VAV1: variants seen among roughly 807,000 people sequenced by gnomAD.
VAV1 encodes the protein proto-oncogene vav.
In VAV1, 33 loss-of-function variants were observed where a neutral mutation model predicts 128.1. The observed-to-expected ratio is 0.26, with a 90% CI of 0.20 to 0.34. The LOEUF is 0.34. Ranked by LOEUF, VAV1 falls within the 10% of genes least tolerant of loss-of-function variation. The probability of loss-of-function intolerance (pLI) is 1.00; values close to 1 mark genes in which losing one functional copy is unlikely to be tolerated. For synonymous variants in VAV1, 394 were observed against 409.8 expected (o/e 0.96, Z 0.47); for missense variants, 715 against 1,093.7 (o/e 0.65, Z 4.88).
chr19:6,776,665 C>T (rs1200276466), intron 1 of VAV1, among the ~76,000 whole-genome samples: 1 of 152,056 alleles, frequency 6.6e-6, no homozygotes, highest in Non-Finnish European at 1.5e-5. Flanking sequence ...TCTACTTTTC[C>T]ATCCATGTAT....
chr19:6,791,320 T>TTCCTCATCTCGAGGTCCTTGAGATAAC (rs1971013724), intron 1 of VAV1, among the ~76,000 whole-genome samples: 1 of 151,590 alleles, frequency 6.6e-6, no homozygotes, highest in Non-Finnish European at 1.5e-5. Flanking sequence ...CTTGAGTTAT[T>TTCCTCATCTCGAGGTCCTTGAGATAAC]TCCTCATCTC....
chr19:6,809,815 G>A (rs553450709), intron 1 of VAV1, among the ~76,000 whole-genome samples: 1 of 152,166 alleles, frequency 6.6e-6, no homozygotes, highest in Admixed American at 6.5e-5. Context: ...AGATGTGACA[G>A]ATAGTTTGGA....
Position 6,833,559 on chromosome 19 carries a change from C to A in VAV1, c.1642C>A (p.Arg548=), listed in dbSNP as rs527259397. The A allele has an allele frequency of 6.2e-7, 1 of 1,611,348 alleles. No homozygotes were observed. The highest frequency in any genetic ancestry group is 1.7e-5 in the Admixed American group (1 of 59,816). The change falls in exon 17 of 27, where the codon CGG becomes AGG. Residue 548 remains arginine, a synonymous_variant. Coordinates refer to ENST00000602142, the MANE Select transcript of VAV1 (RefSeq NM_005428.4). The part of the protein sequence containing the change: ...GTFYQGYRCH[R]CRASAHKECL... The stretch of plus-strand genomic sequence containing the variant: ...CTTCTATCAGGGCTACCGCTGCCAT[C>A]GGTGCCGGGCATCTGCACACAAGGA...
chr19:6,857,116 G>A lies in VAV1; in HGVS notation c.*9G>A. ...ATTCTGAATACTGCTGAGCCCTGGT[G>A]CCTTGGCAGAGAGACGAGAAACTCC... On this transcript the variant is annotated 3_prime_UTR_variant, in exon 27 of 27. Transcript: ENST00000602142. The A allele has an allele frequency of 6.2e-7, 1 of 1,614,010 alleles. No homozygotes were observed.
At chr19:6,842,362 C>T (rs992460469) in intron 21 of VAV1, among the ~76,000 whole-genome samples, 4 of 152,184 alleles carry the variant, frequency 2.6e-5, no homozygotes, top group African/African-American at 9.7e-5. Flanking sequence ...AATCTGCTCA[C>T]CCTCCAGGGT....
At chr19:6,807,048 G>A (rs926217225) in intron 1 of VAV1, among the ~76,000 whole-genome samples, 3 of 152,134 alleles carry the variant, frequency 2.0e-5, no homozygotes, top group African/African-American at 7.2e-5. Context: ...GTTAGGTAGA[G>A]ATTAATTTAT....
chr19:6,827,729 G>A (rs1177906241), intron 9 of VAV1, among the ~76,000 whole-genome samples: 2 of 150,920 alleles, frequency 1.3e-5, no homozygotes, highest in Non-Finnish European at 2.9e-5. Context: ...CTCCTGAGTA[G>A]CTGGGATTGC....
Position 6,779,571 on chromosome 19 carries a change from A to G in VAV1, c.204+6560A>G, listed in dbSNP as rs143128381. 3.4e-3 allele frequency among the ~76,000 whole-genome samples: 509 copies of G among 149,970 alleles called. 8 individuals are homozygous for G. Among genetic ancestry groups the G allele is most frequent in the African/African-American group, 0.012 (486 of 41,254 alleles). On this transcript the variant is annotated intron_variant, in intron 1 of 26. Transcript: ENST00000602142. Reference sequence around the variant, plus strand: ...TGCTAGACATTAGTCTAAACCAGGGAGGGGCCTGGCTGGATGCAGTGGTTC... The same window carrying G: ...TGCTAGACATTAGTCTAAACCAGGGGGGGGCCTGGCTGGATGCAGTGGTTC...
intron 1 of VAV1, among the ~76,000 whole-genome samples, chr19:6,810,921 A>C (rs1407170103): frequency 6.6e-6 from 1 of 152,220 alleles, no homozygotes; most frequent in Non-Finnish European, 1.5e-5. Context: ...CCCAGCTGTA[A>C]GCAAAGAAAT....
intron 1 of VAV1, among the ~76,000 whole-genome samples, chr19:6,798,692 A>T (rs915452696): frequency 2.6e-5 from 4 of 151,562 alleles, no homozygotes; most frequent in Admixed American, 2.0e-4. Context: ...GGGAAAAAAG[A>T]AAGAATCAGG....
chr19:6,802,246 G>A (rs1024377233), intron 1 of VAV1, among the ~76,000 whole-genome samples: 1 of 151,840 alleles, frequency 6.6e-6, no homozygotes, highest in Admixed American at 6.6e-5. Flanking sequence ...TGCTAAATGA[G>A]GAGTTAATGG....
At chr19:6,854,344 A>G (rs1462195939) in intron 26 of VAV1, among the ~76,000 whole-genome samples, 6 of 152,208 alleles carry the variant, frequency 3.9e-5, no homozygotes, top group African/African-American at 1.4e-4. Context: ...CGGTACAAGG[A>G]TTGCCCTCAT....
chr19:6,852,151 C>T (rs1276729073), intron 24 of VAV1, among the ~76,000 whole-genome samples: 2 of 152,128 alleles, frequency 1.3e-5, no homozygotes, highest in African/African-American at 4.8e-5. Flanking sequence ...ATAGCTGAGA[C>T]TACAGGCATG....
At chr19:6,833,151 C>CTTTTT in intron 15 of VAV1, 33 bp from the exon 16 acceptor site, 2 of 1,419,704 alleles carry the variant, frequency 1.4e-6, no homozygotes, top group Non-Finnish European at 1.9e-6. Context: ...TACTGACCTT[C>CTTTTT]TTTTTTTTTT....
intron 21 of VAV1, 130 bp downstream of exon 21, chr19:6,837,180 C>T: frequency 1.1e-6 from 1 of 904,384 alleles, no homozygotes; most frequent in Non-Finnish European, 1.7e-6. Flanking sequence ...CTTTCTCTAA[C>T]TCAAGGCTTC....
rs1971755272 is a variant in VAV1 at position 6,820,490 on chromosome 19, T to A, written c.205-212T>A. Among the ~76,000 whole-genome samples, 1 of 152,242 alleles carries A rather than the reference T, an allele frequency of 6.6e-6. No homozygotes were observed. Among genetic ancestry groups the A allele is most frequent in the East Asian group, 1.9e-4 (1 of 5,208 alleles). On this transcript the variant is annotated intron_variant, in intron 1 of 26. Coordinates refer to ENST00000602142, the MANE Select transcript of VAV1 (RefSeq NM_005428.4). The surrounding 1 kb of genome is among the most constrained non-coding windows in gnomAD (Gnocchi z 4.4). Reference sequence around the variant, plus strand: ...GTTTAACCGTTAGTGATTAATTTTATCTTTTGTGAATTTTAACTCAATAAA... The same window carrying A: ...GTTTAACCGTTAGTGATTAATTTTAACTTTTGTGAATTTTAACTCAATAAA...
At chr19:6,776,519 C>T (rs1457512764) in intron 1 of VAV1, among the ~76,000 whole-genome samples, 1 of 47,188 alleles carries the variant, frequency 2.1e-5, no homozygotes, top group Admixed American at 2.1e-4. Flanking sequence ...CATCCATCCT[C>T]TCATCCATCC....
chr19:6,829,372 A>G (rs2144784466), intron 13 of VAV1, among the ~76,000 whole-genome samples: 1 of 151,410 alleles, frequency 6.6e-6, no homozygotes, highest in Non-Finnish European at 1.5e-5. Flanking sequence ...CCAGGCTCCT[A>G]GATGGACAGG....
intron 1 of VAV1, among the ~76,000 whole-genome samples, chr19:6,798,907 C>G (rs1240628152): frequency 6.6e-6 from 1 of 151,160 alleles, no homozygotes; most frequent in Non-Finnish European, 1.5e-5. Flanking sequence ...TCCATCCCAC[C>G]CCTCCCTGCC....
Sources: allele counts gnomAD v4.1 joint callset (sites outside exome capture counted in the v4.1 genomes callset), GRCh38; gene constraint gnomAD v4.1.1; non-coding constraint Gnocchi (gnomAD v3.1); transcripts MANE v1.5; gene names NCBI Gene and HGNC (gene_info 2026-07-23, HGNC 2026-07-21).